RABL3: variants seen among roughly 807,000 people sequenced by gnomAD.
RABL3 encodes the protein rab-like protein 3.
A neutral mutation model predicts 31.8 loss-of-function variants in RABL3; 31 were observed. That is an observed-to-expected ratio of 0.97 (90% confidence interval 0.73 to 1.31). RABL3 has a LOEUF of 1.31. RABL3 is among the 40% of genes most tolerant of loss of function. The pLI is 0.00. For synonymous variants in RABL3, 97 were observed against 99.9 expected (o/e 0.97, Z 0.18); for missense variants, 263 against 279.6 (o/e 0.94, Z 0.42).
intron 2 of RABL3, among the ~76,000 whole-genome samples, chr3:120,724,482 C>A (rs4501055): frequency 2.6e-5 from 4 of 152,080 alleles, no homozygotes; most frequent in Non-Finnish European, 5.9e-5. Context: ...AAAAAGAGCC[C>A]ACATTGCCAA....
intron 5 of RABL3, among the ~76,000 whole-genome samples, chr3:120,694,512 T>C (rs1253277899): frequency 6.6e-6 from 1 of 152,108 alleles, no homozygotes; most frequent in Non-Finnish European, 1.5e-5. Context: ...ATTTTACTAA[T>C]ATCAAAACCA....
intron 2 of RABL3, among the ~76,000 whole-genome samples, chr3:120,722,990 A>C (rs1708767039): frequency 6.6e-6 from 1 of 152,250 alleles, no homozygotes; most frequent in South Asian, 2.1e-4. Context: ...AACTCTTCAA[A>C]AAATCAATGA....
At chr3:120,724,153 T>C (rs894253451) in intron 2 of RABL3, among the ~76,000 whole-genome samples, 2 of 152,216 alleles carry the variant, frequency 1.3e-5, no homozygotes, top group Admixed American at 6.5e-5. Context: ...CATACACTAA[T>C]AACAGACAAA....
At chr3:120,736,486 A>G (rs1708967420) in intron 1 of RABL3, among the ~76,000 whole-genome samples, 1 of 151,724 alleles carries the variant, frequency 6.6e-6, no homozygotes. Flanking sequence ...ATGGGTCTTG[A>G]CAATTTGCCA....
rs1357181859 is a variant in RABL3, at chr3:120,723,729, C to T, written c.138+6967G>A. 2.0e-5 allele frequency among the ~76,000 whole-genome samples: 3 copies of T among 152,158 alleles called. No homozygotes were observed. The East Asian group carries it at 5.8e-4, about 29-fold the overall frequency. On this transcript the variant is annotated intron_variant, in intron 2 of 7. Coordinates refer to ENST00000273375, the MANE Select transcript of RABL3 (RefSeq NM_173825.5). ...ATTATGTCAATAGATGCAGAAAAAACCTTTGACAAAATTCAACAACCCTTC... is the reference window on the plus strand; with the variant it reads ...ATTATGTCAATAGATGCAGAAAAAATCTTTGACAAAATTCAACAACCCTTC...
In RABL3 at chr3:120,733,531, T is replaced by C. The variant is rs564942512; in HGVS notation, c.47-2744A>G. ...GGTTGCCTGTTCACTCTGATGGTAGTTTCTTTTGCTGTGCAGAAGCTAGTT... is the reference window on the plus strand; with the variant it reads ...GGTTGCCTGTTCACTCTGATGGTAGCTTCTTTTGCTGTGCAGAAGCTAGTT... On this transcript the variant is annotated intron_variant, in intron 1 of 7. Coordinates refer to ENST00000273375, the MANE Select transcript of RABL3 (RefSeq NM_173825.5). Among the ~76,000 whole-genome samples, 36 of 152,362 alleles carry C rather than the reference T, an allele frequency of 2.4e-4. No individual in the cohort carries two copies. In the South Asian group the frequency reaches 7.5e-3, roughly 32 times the overall value.
chr3:120,714,177 A>G (rs954768613), intron 2 of RABL3, among the ~76,000 whole-genome samples: 5 of 152,212 alleles, frequency 3.3e-5, no homozygotes, highest in Admixed American at 3.3e-4. Flanking sequence ...AAGAAAGAAC[A>G]GTGGATATTG....
chr3:120,705,545 A>G (rs915673633), intron 4 of RABL3, among the ~76,000 whole-genome samples: 1 of 152,178 alleles, frequency 6.6e-6, no homozygotes, highest in Admixed American at 6.5e-5. Flanking sequence ...TGGAGAAAGG[A>G]TATCTTTTCA....
At chr3:120,705,176 TA>T (rs1256948084) in intron 4 of RABL3, among the ~76,000 whole-genome samples, 1 of 152,288 alleles carries the variant, frequency 6.6e-6, no homozygotes, top group East Asian at 1.9e-4. Context: ...TAAATAAATT[TA>T]GAGATATATT....
chr3:120,713,808 C>CTTTTTTTT (rs61372023), intron 2 of RABL3, among the ~76,000 whole-genome samples: 1 of 121,712 alleles, frequency 8.2e-6, no homozygotes, highest in Non-Finnish European at 1.7e-5. Context: ...TTGTCTGTAA[C>CTTTTTTTT]TTTTTTTTTT....
chr3:120,717,279 AC>A (rs1347750721), intron 2 of RABL3, among the ~76,000 whole-genome samples: 13 of 114,698 alleles, frequency 1.1e-4, no homozygotes, highest in South Asian at 5.3e-4. Flanking sequence ...AAAAAAAAAA[AC>A]AACAAAAAAA....
At chr3:120,699,699 G>T (rs151208893) in intron 4 of RABL3, among the ~76,000 whole-genome samples, 81 of 152,136 alleles carry the variant, frequency 5.3e-4, no homozygotes, top group South Asian at 1.7e-3. Context: ...AAGTATTTAT[G>T]CCCTTCACAA....
chr3:120,737,293 C>A (rs1209283960), intron 1 of RABL3, among the ~76,000 whole-genome samples: 3 of 152,202 alleles, frequency 2.0e-5, no homozygotes. Flanking sequence ...ATCACTGATA[C>A]CCTTTCTTCC....
chr3:120,734,668 C>T (rs964196223), intron 1 of RABL3, among the ~76,000 whole-genome samples: 3 of 152,234 alleles, frequency 2.0e-5, no homozygotes, highest in South Asian at 2.1e-4. Context: ...CAGTATCATA[C>T]TGGCTGTGGG....
intron 5 of RABL3, among the ~76,000 whole-genome samples, chr3:120,696,940 A>G (rs1299783259): frequency 6.6e-6 from 1 of 152,172 alleles, no homozygotes; most frequent in East Asian, 1.9e-4. Context: ...GGCAGGCAGA[A>G]GCTGGGGGTA....
At chr3:120,714,192 T>G (rs1185505366) in intron 2 of RABL3, among the ~76,000 whole-genome samples, 1 of 152,204 alleles carries the variant, frequency 6.6e-6, no homozygotes, top group East Asian at 1.9e-4. Flanking sequence ...ATATTGTAGA[T>G]GCTAATAAGT....
At chr3:120,701,240 T>C (rs1708488453) in intron 4 of RABL3, among the ~76,000 whole-genome samples, 1 of 152,180 alleles carries the variant, frequency 6.6e-6, no homozygotes, top group Non-Finnish European at 1.5e-5. Flanking sequence ...GATTCTTTTT[T>C]AAACATTGAA....
chr3:120,731,339 T>C (rs1299216505), intron 1 of RABL3, among the ~76,000 whole-genome samples: 1 of 152,102 alleles, frequency 6.6e-6, no homozygotes, highest in East Asian at 1.9e-4. Context: ...ATTTCACAAT[T>C]CTAAATTTAG....
chr3:120,690,568 A>C (rs1411128342), intron 6 of RABL3, 81 bp from the exon 7 acceptor site: 1 of 899,598 alleles, frequency 1.1e-6, no homozygotes, highest in African/African-American at 1.7e-5. Context: ...AATGGTACTA[A>C]AAGGAATATA....
Sources: gnomAD v4.1 joint callset for allele counts (sites outside exome capture counted in the v4.1 genomes callset) on GRCh38, gnomAD v4.1.1 for gene constraint, MANE v1.5 for transcripts, NCBI Gene and HGNC (gene_info 2026-07-23, HGNC 2026-07-21) for gene names.